Variants in ZNF407 observed in about 807,000 individuals in gnomAD.
ZNF407 encodes zinc finger protein 407.
ZNF407 carries 17 observed loss-of-function variants against 131.2 expected under a neutral mutation model. The ratio of observed to expected loss-of-function variants is 0.13; its 90% confidence interval spans 0.09 to 0.19. ZNF407 has a LOEUF of 0.19. ZNF407 is among the 10% of genes least tolerant of loss of function. The probability of loss-of-function intolerance (pLI) is 1.00; values close to 1 mark genes in which losing one functional copy is unlikely to be tolerated. For missense variants in ZNF407, 2,681 were observed against 2,830.6 expected (o/e 0.95, Z 1.20); for synonymous variants, 1,156 against 1,062.0 (o/e 1.09, Z -1.72).
In ZNF407 at chr18:74,779,035, G is replaced by C. The variant is rs1351756538; in HGVS notation, c.4803-2393G>C. ...AGCCTACCTTCAGTAACCACATATG[G>C]CTGTCAATATTATGTCCATATGGGT... On this transcript the variant is annotated intron_variant, in intron 3 of 8. Coordinates refer to ENST00000299687, the MANE Select transcript of ZNF407 (RefSeq NM_017757.3). Among the ~76,000 whole-genome samples the C allele has an allele frequency of 2.9e-5, 4 of 139,644 alleles. No individual in the cohort carries two copies. The Admixed American group carries it at 3.0e-4, about 10-fold the overall frequency. The allele number at this position is 139,644 out of a possible 152,430, so 91.6% of individuals were successfully genotyped here. A position where few individuals can be genotyped will look rare whatever the true frequency, so the allele number is the denominator to read the frequency against.
Position 74,781,482 on chromosome 18 carries a change from A to G in ZNF407, c.4857A>G (p.Gly1619=). The G allele has an allele frequency of 6.5e-7, 1 of 1,535,058 alleles. No individual in the cohort carries two copies. The highest frequency in any genetic ancestry group is 1.4e-5 in the African/African-American group (1 of 71,856). The change falls in exon 4 of 9, where the codon GGA becomes GGG. Residue 1619 remains glycine, a synonymous_variant. Coordinates refer to ENST00000299687, the MANE Select transcript of ZNF407 (RefSeq NM_017757.3). Reference sequence around the variant, plus strand: ...ATACTCATCTACTAGGCAAGCATGGAGTTGGCACCCCAAAAGAAAGGTAAT... The same window carrying G: ...ATACTCATCTACTAGGCAAGCATGGGGTTGGCACCCCAAAAGAAAGGTAAT... ...HLNTHLLGKH[G]VGTPKERKFT... is the part of the protein sequence containing the mutation.
intron 4 of ZNF407, among the ~76,000 whole-genome samples, chr18:74,820,810 CA>C (rs1431626470): frequency 2.0e-5 from 3 of 151,956 alleles, no homozygotes; most frequent in African/African-American, 7.2e-5. Flanking sequence ...TGGAAGATGT[CA>C]CGAAAATGGG....
chr18:75,013,739 A>T (rs747043809), intron 8 of ZNF407, among the ~76,000 whole-genome samples: 1 of 152,112 alleles, frequency 6.6e-6, no homozygotes, highest in African/African-American at 2.4e-5. Context: ...GTACCCCTGA[A>T]GAGCTCTGAG....
intron 4 of ZNF407, among the ~76,000 whole-genome samples, chr18:74,876,413 A>G (rs1232062150): frequency 6.6e-6 from 1 of 152,218 alleles, no homozygotes; most frequent in Non-Finnish European, 1.5e-5. Flanking sequence ...TATTTCATGA[A>G]TGCAATTGAA....
intron 8 of ZNF407, among the ~76,000 whole-genome samples, chr18:75,014,010 A>G (rs79591710): frequency 1.4e-4 from 21 of 152,218 alleles, no homozygotes; most frequent in African/African-American, 5.1e-4. Context: ...TAGAAGCTTT[A>G]TATTTTCTAA....
Position 74,889,889 on chromosome 18 carries a change from C to T in ZNF407, c.5129-29C>T, listed in dbSNP as rs1444197733. 1.9e-6 allele frequency: 3 copies of T among 1,580,186 alleles called. 1 individual carries two copies. The highest frequency in any genetic ancestry group is 2.3e-5 in the South Asian group (2 of 85,494). Reference sequence around the variant, plus strand: ...TTCATTTCCAGTTGTTATTATTATTCATCTGTAACATTTCTTGATATATTA... The same window carrying T: ...TTCATTTCCAGTTGTTATTATTATTTATCTGTAACATTTCTTGATATATTA... On this transcript the variant is annotated intron_variant, in intron 6 of 8. Coordinates refer to ENST00000299687, the MANE Select transcript of ZNF407 (RefSeq NM_017757.3).
intron 3 of ZNF407, among the ~76,000 whole-genome samples, chr18:74,687,158 G>C (rs1967114310): frequency 6.6e-6 from 1 of 152,138 alleles, no homozygotes; most frequent in East Asian, 1.9e-4. Flanking sequence ...AACCAGCCTG[G>C]GCAACATAAG....
intron 8 of ZNF407, among the ~76,000 whole-genome samples, chr18:74,940,508 C>G: frequency 6.6e-6 from 1 of 152,086 alleles, no homozygotes; most frequent in Middle Eastern, 3.4e-3. Context: ...GAAGCTGATG[C>G]GCTCAGGGCT....
chr18:74,610,660 C>T (rs538486579), intron 1 of ZNF407, among the ~76,000 whole-genome samples: 17 of 152,282 alleles, frequency 1.1e-4, no homozygotes, highest in African/African-American at 3.9e-4. Flanking sequence ...AACAATTCTG[C>T]TGCCTCTGCC....
chr18:74,968,808 G>A (rs937841281), intron 8 of ZNF407, among the ~76,000 whole-genome samples: 3 of 152,136 alleles, frequency 2.0e-5, no homozygotes, highest in African/African-American at 4.8e-5. Context: ...TGATTGGCAG[G>A]TATTTGTCGT....
At chr18:75,023,637 A>C (rs1568304066) in intron 8 of ZNF407, among the ~76,000 whole-genome samples, 1 of 152,170 alleles carries the variant, frequency 6.6e-6, no homozygotes, top group Non-Finnish European at 1.5e-5. Context: ...TTCATCCCAC[A>C]GTGGCAGGAA....
chr18:75,039,685 T>C (rs917177123), intron 8 of ZNF407, among the ~76,000 whole-genome samples: 3 of 151,406 alleles, frequency 2.0e-5, no homozygotes, highest in East Asian at 3.9e-4. Context: ...TTGCAGATTA[T>C]CTCTCAGCCT....
chr18:74,657,945 CTTTT>C (rs1985545275), intron 3 of ZNF407, among the ~76,000 whole-genome samples: 1 of 146,616 alleles, frequency 6.8e-6, no homozygotes, highest in Non-Finnish European at 1.5e-5. Context: ...TCCCTCCTTT[CTTTT>C]TTCTCTTTCC....
At chr18:75,007,705 T>G (rs1387703693) in intron 8 of ZNF407, among the ~76,000 whole-genome samples, 1 of 152,220 alleles carries the variant, frequency 6.6e-6, no homozygotes, top group East Asian at 1.9e-4. Context: ...TGTCAGGTGC[T>G]TTGCTCAGAG....
At chr18:74,906,017 A>C (rs1971590510) in intron 7 of ZNF407, 1 of 152,950 alleles carries the variant, frequency 6.5e-6, no homozygotes, top group South Asian at 2.1e-4. Flanking sequence ...AGTTTACTTA[A>C]ATTCTCCTGA....
intron 3 of ZNF407, among the ~76,000 whole-genome samples, chr18:74,710,097 G>A (rs1402615108): frequency 1.3e-5 from 2 of 152,030 alleles, no homozygotes; most frequent in African/African-American, 2.4e-5. Context: ...TTAGTGCTTT[G>A]GCATTTCAGA....
At position 75,063,473 on chromosome 18, in the gene ZNF407, G is replaced by C. The variant is rs748993100; in HGVS notation, c.5752G>C (p.Gly1918Arg). 1 of 1,603,704 alleles carries C rather than the reference G, an allele frequency of 6.2e-7. No individual in the cohort carries two copies. Among genetic ancestry groups the C allele is most frequent in the East Asian group, 2.3e-5 (1 of 44,280 alleles). Residue 1918 changes from glycine to arginine, a missense_variant, in exon 9 of 9, where the codon GGG (glycine) becomes CGG (arginine). By Grantham distance (125) the Gly-to-Arg change is moderately radical. Coordinates refer to ENST00000299687, the MANE Select transcript of ZNF407 (RefSeq NM_017757.3). The surrounding 1 kb of genome is among the most constrained non-coding windows in gnomAD (Gnocchi z 6.6). ...DGQVIATSQSGAHVGSVVPGP... is the reference protein window; with the variant it reads ...DGQVIATSQSRAHVGSVVPGP... ...CCAGGTCATCGCCACGAGTCAGAGCGGGGCACATGTAGGCAGCGTGGTGCC... is the reference window on the plus strand; with the variant it reads ...CCAGGTCATCGCCACGAGTCAGAGCCGGGCACATGTAGGCAGCGTGGTGCC...
At chr18:75,044,251 G>A (rs1000764877) in intron 8 of ZNF407, among the ~76,000 whole-genome samples, 8 of 151,192 alleles carry the variant, frequency 5.3e-5, no homozygotes, top group Middle Eastern at 3.4e-3. Context: ...GGAAAGTCTC[G>A]CCTGTTGAAA....
chr18:74,694,702 T>C (rs1967310527), intron 3 of ZNF407, among the ~76,000 whole-genome samples: 1 of 152,206 alleles, frequency 6.6e-6, no homozygotes, highest in Non-Finnish European at 1.5e-5. Context: ...CTCCCTTGTT[T>C]ATCTTCTTCT....
Sources: allele counts gnomAD v4.1 joint callset (sites outside exome capture counted in the v4.1 genomes callset), GRCh38; gene constraint gnomAD v4.1.1; non-coding constraint Gnocchi (gnomAD v3.1); transcripts MANE v1.5; gene names NCBI Gene and HGNC (gene_info 2026-07-23, HGNC 2026-07-21).